CPQ: variants seen among roughly 807,000 people sequenced by gnomAD.
CPQ encodes the protein carboxypeptidase Q.
In CPQ, 37 loss-of-function variants were observed where a neutral mutation model predicts 45.7. The observed-to-expected ratio is 0.81, with a 90% confidence interval of 0.62 to 1.07. The LOEUF (loss-of-function observed/expected upper bound fraction) is 1.07. Among genes scored for constraint, CPQ ranks in the 50% least tolerant of loss-of-function variants. The pLI is 0.00. For missense variants in CPQ, 537 were observed against 572.9 expected (o/e 0.94, Z 0.64); for synonymous variants, 186 against 205.8 (o/e 0.90, Z 0.82).
At chr8:96,813,289 TG>T (rs1296314011) in intron 2 of CPQ, among the ~76,000 whole-genome samples, 5 of 152,114 alleles carry the variant, frequency 3.3e-5, no homozygotes, top group Non-Finnish European at 5.9e-5. Flanking sequence ...GGGTGAGGCC[TG>T]GGGAACTTTA....
At chr8:96,729,844 T>C (rs1188680068) in intron 1 of CPQ, among the ~76,000 whole-genome samples, 2 of 148,908 alleles carry the variant, frequency 1.3e-5, no homozygotes, top group Admixed American at 1.3e-4. Flanking sequence ...GAATTTCTTA[T>C]GTGTGTGTGT....
At chr8:96,801,263 C>A (rs945108435) in intron 2 of CPQ, among the ~76,000 whole-genome samples, 6 of 152,112 alleles carry the variant, frequency 3.9e-5, no homozygotes, top group African/African-American at 1.4e-4. Flanking sequence ...ATGTGTGAGC[C>A]ACCATGCTGG....
chr8:97,045,207 C>T (rs909965906), intron 6 of CPQ, among the ~76,000 whole-genome samples: 3 of 152,230 alleles, frequency 2.0e-5, no homozygotes, highest in Admixed American at 2.0e-4. Flanking sequence ...GCCCCTCCCC[C>T]AGCCTCGCTG....
At chr8:96,924,722 G>C (rs1023143736) in intron 4 of CPQ, among the ~76,000 whole-genome samples, 9 of 152,174 alleles carry the variant, frequency 5.9e-5, no homozygotes, top group African/African-American at 2.2e-4. Context: ...AACCAGGCTA[G>C]ATACTGTAAC....
intron 7 of CPQ, among the ~76,000 whole-genome samples, chr8:97,105,758 T>G (rs1396140566): frequency 6.6e-6 from 1 of 152,216 alleles, no homozygotes; most frequent in East Asian, 1.9e-4. Flanking sequence ...TTATTTGTTA[T>G]CATAAGCCTG....
chr8:97,088,673 A>ACT (rs1271520630), intron 7 of CPQ, among the ~76,000 whole-genome samples: 2 of 152,062 alleles, frequency 1.3e-5, no homozygotes, highest in African/African-American at 4.8e-5. Flanking sequence ...CAGGACCCTC[A>ACT]CTCTCTGTGT....
intron 4 of CPQ, among the ~76,000 whole-genome samples, chr8:96,931,236 G>A (rs1431895096): frequency 6.6e-6 from 1 of 152,166 alleles, no homozygotes; most frequent in Non-Finnish European, 1.5e-5. Flanking sequence ...ACATGAGATA[G>A]GTAAAATCGT....
At chr8:96,871,917 C>G (rs1464801541) in intron 3 of CPQ, among the ~76,000 whole-genome samples, 1 of 151,548 alleles carries the variant, frequency 6.6e-6, no homozygotes, top group Non-Finnish European at 1.5e-5. Context: ...ATTATTTTTT[C>G]TTTTTTTACG....
At chr8:96,871,413 C>T (rs577669219) in intron 3 of CPQ, among the ~76,000 whole-genome samples, 7 of 151,748 alleles carry the variant, frequency 4.6e-5, no homozygotes, top group African/African-American at 9.6e-5. Context: ...GATGGTGTAA[C>T]GCAAAAACAT....
chr8:96,930,078 A>G (rs1272677563), intron 4 of CPQ, among the ~76,000 whole-genome samples: 1 of 152,188 alleles, frequency 6.6e-6, no homozygotes. Context: ...ATATTCAGAA[A>G]CTATAGGGGT....
intron 5 of CPQ, among the ~76,000 whole-genome samples, chr8:96,970,725 G>T (rs1247482803): frequency 6.6e-6 from 1 of 152,124 alleles, no homozygotes; most frequent in South Asian, 2.1e-4. Flanking sequence ...TACCACGCCC[G>T]GCTAATTTTT....
chr8:96,907,295 G>A (rs1209043029), intron 4 of CPQ, among the ~76,000 whole-genome samples: 1 of 152,124 alleles, frequency 6.6e-6, no homozygotes, highest in Non-Finnish European at 1.5e-5. Context: ...GTAGGACACT[G>A]CCATCATTTA....
At chr8:96,728,727 C>G (rs1159173673) in intron 1 of CPQ, among the ~76,000 whole-genome samples, 1 of 152,062 alleles carries the variant, frequency 6.6e-6, no homozygotes, top group African/African-American at 2.4e-5. Flanking sequence ...CTGAGTCAAG[C>G]CTGCTGTTCT....
intron 1 of CPQ, among the ~76,000 whole-genome samples, chr8:96,649,682 T>G (rs1383997473): frequency 1.3e-5 from 2 of 152,184 alleles, no homozygotes; most frequent in Non-Finnish European, 2.9e-5. Flanking sequence ...TCCCAGGATA[T>G]AGCCTTTTCT....
intron 1 of CPQ, among the ~76,000 whole-genome samples, chr8:96,735,197 T>G (rs1809966958): frequency 6.6e-6 from 1 of 152,258 alleles, no homozygotes; most frequent in Admixed American, 6.5e-5. Context: ...TCCACTGATG[T>G]AAGCTTCATA....
intron 1 of CPQ, among the ~76,000 whole-genome samples, chr8:96,748,751 A>G (rs1810222464): frequency 6.6e-6 from 1 of 152,230 alleles, no homozygotes; most frequent in African/African-American, 2.4e-5. Context: ...ACAAAATTTC[A>G]ACAGATTGCT....
chr8:97,008,819 T>G (rs1253346474), intron 5 of CPQ, among the ~76,000 whole-genome samples: 1 of 152,116 alleles, frequency 6.6e-6, no homozygotes, highest in South Asian at 2.1e-4. Flanking sequence ...ATAAAGTGTT[T>G]AGCATATTGC....
intron 1 of CPQ, among the ~76,000 whole-genome samples, chr8:96,687,842 T>C (rs1809252537): frequency 1.3e-5 from 2 of 152,132 alleles, no homozygotes; most frequent in South Asian, 2.1e-4. Flanking sequence ...GATGTATACA[T>C]TGTTTTTCCT....
chr8:96,790,369 A>G (rs1185385827), intron 2 of CPQ, among the ~76,000 whole-genome samples: 6 of 152,116 alleles, frequency 3.9e-5, no homozygotes, highest in Admixed American at 1.3e-4. Context: ...ACCACCTCCT[A>G]TGAGTGAGCT....
Sources: gnomAD v4.1 joint callset for allele counts (sites outside exome capture counted in the v4.1 genomes callset) on GRCh38, gnomAD v4.1.1 for gene constraint, MANE v1.5 for transcripts, NCBI Gene and HGNC (gene_info 2026-07-23, HGNC 2026-07-21) for gene names.